Variants in RBFOX2 observed in about 807,000 individuals in gnomAD.
RBFOX2 encodes the protein RNA binding protein fox-1 homolog 2.
RBFOX2 carries 10 observed loss-of-function variants against 49.1 expected under a neutral mutation model. That is an observed-to-expected ratio of 0.20 (90% CI 0.13 to 0.35). RBFOX2 has a LOEUF of 0.35. Ranked by LOEUF, RBFOX2 falls within the 10% of genes least tolerant of loss-of-function variation. The pLI, the probability that RBFOX2 is intolerant of heterozygous loss-of-function variation, is 1.00. For missense variants in RBFOX2, 323 were observed against 486.9 expected, an observed-to-expected ratio of 0.66 and a Z score of 3.17; for synonymous variants, 183 against 187.4, an observed-to-expected ratio of 0.98 and a Z score of 0.19.
intron 1 of RBFOX2, among the ~76,000 whole-genome samples, chr22:35,943,950 A>T (rs5750203): frequency 0.22 from 33,622 of 152,198 alleles, 5,774 homozygotes; most frequent in African/African-American, 0.48. Context: ...CAGTGGATAC[A>T]GACAGAAGTG....
intron 1 of RBFOX2, among the ~76,000 whole-genome samples, chr22:35,955,437 T>C (rs2055428158): frequency 6.6e-6 from 1 of 151,912 alleles, no homozygotes; most frequent in Admixed American, 6.6e-5. Flanking sequence ...GAGAAGAGTA[T>C]CATTATTTTA....
chr22:35,754,323 C>T (rs1288885078), intron 9 of RBFOX2, among the ~76,000 whole-genome samples: 1 of 148,104 alleles, frequency 6.8e-6, no homozygotes, highest in East Asian at 2.0e-4. Context: ...CATCTCCTGA[C>T]CTCATGATCT....
intron 1 of RBFOX2, among the ~76,000 whole-genome samples, chr22:35,969,013 C>T (rs1282472389): frequency 1.3e-5 from 2 of 152,150 alleles, no homozygotes; most frequent in South Asian, 2.1e-4. Context: ...GAATTCAGTA[C>T]TGCAAATGGG....
chr22:35,803,386 A>T (rs946195410), intron 2 of RBFOX2, among the ~76,000 whole-genome samples: 6 of 152,224 alleles, frequency 3.9e-5, no homozygotes, highest in East Asian at 3.9e-4. Context: ...ATATATTTTT[A>T]AAATTAAGGC....
At chr22:35,979,919 C>T (rs554067076) in intron 1 of RBFOX2, among the ~76,000 whole-genome samples, 5 of 152,216 alleles carry the variant, frequency 3.3e-5, no homozygotes, top group African/African-American at 9.6e-5. Context: ...GTAACCATCA[C>T]GTAACGAAGT....
chr22:36,015,667 A>G (rs1251197412), intron 1 of RBFOX2, among the ~76,000 whole-genome samples: 2 of 152,342 alleles, frequency 1.3e-5, no homozygotes, highest in Non-Finnish European at 2.9e-5. Flanking sequence ...CAGACTAATT[A>G]GGGGACAAGC....
Position 35,768,353 on chromosome 22 carries a change from C to A in RBFOX2, c.454-4G>T. The A allele has an allele frequency of 6.2e-7, 1 of 1,613,102 alleles. No homozygotes were observed. The highest frequency in any genetic ancestry group is 8.5e-7 in the Non-Finnish European group (1 of 1,179,188). ...CGAAAGTTACGAACCCGAATCCCTG[C>A]ATGCAGCGGGAGAAGGGGGGAAAAC... On this transcript the variant is annotated splice_region_variant and splice_polypyrimidine_tract_variant and intron_variant, in intron 4 of 11. Transcript: ENST00000405409.
upstream of RBFOX2, among the ~76,000 whole-genome samples, chr22:35,942,328 T>C (rs1295050369): frequency 6.6e-6 from 1 of 152,176 alleles, no homozygotes; most frequent in Non-Finnish European, 1.5e-5. Flanking sequence ...TATAAGTATA[T>C]TGGGATGCTG....
At position 35,784,779 on chromosome 22, in the gene RBFOX2, G is replaced by T. The variant is rs533421761; in HGVS notation, c.253-3033C>A. 3.3e-5 allele frequency among the ~76,000 whole-genome samples: 5 copies of T among 152,294 alleles called. No individual in the cohort carries two copies. In the East Asian group the frequency reaches 9.7e-4, roughly 30 times the overall value. ...GTGGTGGCCCATGGGCTTTTGCCCC[G>T]GGAGGCCCGCAGCTGGTTGCCGTGA... On this transcript the variant is annotated intron_variant, in intron 2 of 11. Coordinates refer to ENST00000405409, the Ensembl canonical transcript of RBFOX2.
intron 9 of RBFOX2, 186 bp from the exon 12 acceptor site, chr22:35,746,747 A>G (rs1469281975): frequency 2.5e-6 from 1 of 402,678 alleles, no homozygotes; most frequent in Non-Finnish European, 4.4e-6. Flanking sequence ...CTCCAATAAA[A>G]AATTAAGCCC....
upstream of RBFOX2, among the ~76,000 whole-genome samples, chr22:35,940,247 G>C (rs1486166833): frequency 6.6e-6 from 1 of 152,156 alleles, no homozygotes; most frequent in Non-Finnish European, 1.5e-5. Flanking sequence ...ACACCCAAAA[G>C]AATGTGTAAT....
At chr22:35,886,773 G>C (rs1329388512) in intron 1 of RBFOX2, among the ~76,000 whole-genome samples, 1 of 152,144 alleles carries the variant, frequency 6.6e-6, no homozygotes, top group Non-Finnish European at 1.5e-5. Context: ...CTGATGCATT[G>C]AACTGCACTG....
intron 1 of RBFOX2, among the ~76,000 whole-genome samples, chr22:35,913,741 AT>A (rs1003314464): frequency 8.6e-5 from 13 of 151,976 alleles, no homozygotes; most frequent in Non-Finnish European, 1.5e-5. Flanking sequence ...GGTAAAGATA[AT>A]TTTTTAACCT....
upstream of RBFOX2, among the ~76,000 whole-genome samples, chr22:35,940,215 G>A (rs1193501276): frequency 1.3e-5 from 2 of 151,912 alleles, no homozygotes; most frequent in Non-Finnish European, 2.9e-5. Context: ...CTGAGATCTA[G>A]CACAGTATCT....
At chr22:35,745,895 AT>A in intron 11 of RBFOX2, 27 bp downstream of exon 13, 2 of 1,585,670 alleles carry the variant, frequency 1.3e-6, no homozygotes, top group Non-Finnish European at 8.7e-7. Flanking sequence ...AAATGGTTTT[AT>A]AAAGCAATGG....
At chr22:35,965,030 G>C (rs1348151600), upstream of RBFOX2, among the ~76,000 whole-genome samples, 2 of 152,022 alleles carry the variant, frequency 1.3e-5, no homozygotes, top group Non-Finnish European at 2.9e-5. Flanking sequence ...ATCTCAAAAG[G>C]CTGGCCCCAA....
chr22:35,839,589 C>T (rs1458589535), intron 1 of RBFOX2, among the ~76,000 whole-genome samples: 1 of 152,190 alleles, frequency 6.6e-6, no homozygotes, highest in Non-Finnish European at 1.5e-5. Flanking sequence ...ATTCGTTCTC[C>T]TGTCAAGGAG....
chr22:35,970,547 G>A (rs758092726), intron 1 of RBFOX2, among the ~76,000 whole-genome samples: 2 of 151,834 alleles, frequency 1.3e-5, no homozygotes, highest in Non-Finnish European at 2.9e-5. Context: ...TGTAGTCCCA[G>A]CTACTTTGGA....
At chr22:35,760,631 G>A (rs1227179108) in intron 8 of RBFOX2, among the ~76,000 whole-genome samples, 1 of 152,128 alleles carries the variant, frequency 6.6e-6, no homozygotes, top group East Asian at 1.9e-4. Context: ...CTTTAAAGAG[G>A]CAGACAATTT....
Sources: allele counts gnomAD v4.1 joint callset (sites outside exome capture counted in the v4.1 genomes callset), GRCh38; gene constraint gnomAD v4.1.1; transcripts MANE v1.5; gene names NCBI Gene and HGNC (gene_info 2026-07-23, HGNC 2026-07-21).